Variants in ANO10 observed in about 807,000 individuals in gnomAD.
ANO10 encodes the protein anoctamin 10, also known as anoctamin-10.
A neutral mutation model predicts 74.7 loss-of-function variants in ANO10; 77 were observed. That is an observed-to-expected ratio of 1.03 (90% CI 0.86 to 1.25). The LOEUF is 1.25. Among genes scored for constraint, ANO10 ranks in the 50% most tolerant of loss-of-function variants. The pLI, the probability that ANO10 is intolerant of heterozygous loss-of-function variation, is 0.00. For synonymous variants in ANO10, 279 were observed against 284.9 expected, an observed-to-expected ratio of 0.98 and a Z score of 0.21; for missense variants, 721 against 778.1, an observed-to-expected ratio of 0.93 and a Z score of 0.87.
chr3:43,471,327 C>G (rs952398442), intron 11 of ANO10, among the ~76,000 whole-genome samples: 1 of 152,096 alleles, frequency 6.6e-6, no homozygotes, highest in Non-Finnish European at 1.5e-5. Context: ...TAAAATATCT[C>G]TTATTTAGGA....
At chr3:43,503,813 A>C (rs2077184546) in intron 11 of ANO10, among the ~76,000 whole-genome samples, 1 of 152,154 alleles carries the variant, frequency 6.6e-6, no homozygotes, top group Non-Finnish European at 1.5e-5. Flanking sequence ...ATCACTTCAC[A>C]GTCATTTATC....
At chr3:43,430,330 T>C (rs972048861) in intron 12 of ANO10, among the ~76,000 whole-genome samples, 6 of 151,904 alleles carry the variant, frequency 3.9e-5, no homozygotes, top group African/African-American at 1.2e-4. Flanking sequence ...TTTTTAATGA[T>C]TTTTGGGTTT....
chr3:43,426,580 G>C (rs1271822618), intron 12 of ANO10, among the ~76,000 whole-genome samples: 1 of 152,140 alleles, frequency 6.6e-6, no homozygotes, highest in Non-Finnish European at 1.5e-5. Context: ...TGGGCTCCCA[G>C]GAGGGCTGAC....
At position 43,497,022 on chromosome 3, in the gene ANO10, G is replaced by A. The variant is rs555587857; in HGVS notation, c.1797+52698C>T. 5.7e-4 allele frequency among the ~76,000 whole-genome samples: 87 copies of A among 152,262 alleles called. 1 individual carries two copies. The highest frequency in any genetic ancestry group is 2.1e-3 in the African/African-American group (86 of 41,544). On this transcript the variant is annotated intron_variant, in intron 11 of 12. Transcript: ENST00000292246. ...GAACAACCCTACTTGGCAGTATGGG[G>A]ATAGGGGATGGGACTGGGTTAGCAA...
intron 10 of ANO10, among the ~76,000 whole-genome samples, chr3:43,552,305 A>G (rs1399958030): frequency 1.3e-5 from 2 of 152,182 alleles, no homozygotes; most frequent in Non-Finnish European, 2.9e-5. Context: ...CTGTAATCCT[A>G]GCACTTTGGA....
At position 43,612,885 on chromosome 3, in the gene ANO10, C is replaced by A. The variant is rs1018080008; in HGVS notation, c.-11-7022G>T. ...GAATGTTGGATTAAAATTATACTCC[C>A]GGCTGGGCACGGTGGCTCACGCCTA... On this transcript the variant is annotated intron_variant, in intron 1 of 12. Transcript: ENST00000292246. 2.6e-5 allele frequency among the ~76,000 whole-genome samples: 4 copies of A among 151,994 alleles called. No individual in the cohort carries two copies. The South Asian group carries it at 8.3e-4, about 31-fold the overall frequency.
intron 12 of ANO10, among the ~76,000 whole-genome samples, chr3:43,423,449 C>T (rs1292974501): frequency 1.3e-5 from 2 of 152,150 alleles, no homozygotes; most frequent in Non-Finnish European, 2.9e-5. Context: ...TCACCTGGCC[C>T]TCGGGGACCT....
At chr3:43,573,107 G>A (rs1325102992) in intron 7 of ANO10, among the ~76,000 whole-genome samples, 3 of 151,760 alleles carry the variant, frequency 2.0e-5, no homozygotes, top group Non-Finnish European at 4.4e-5. Context: ...TTACCTCTGA[G>A]GGAAAAAGCT....
chr3:43,617,204 A>G (rs2083156100), intron 1 of ANO10, among the ~76,000 whole-genome samples: 1 of 150,764 alleles, frequency 6.6e-6, no homozygotes, highest in Admixed American at 6.7e-5. Flanking sequence ...AGACAGGGAC[A>G]TGAAGGCTTT....
intron 10 of ANO10, among the ~76,000 whole-genome samples, chr3:43,552,718 A>ATGTATG (rs1361415230): frequency 4.6e-4 from 61 of 133,114 alleles, no homozygotes; most frequent in South Asian, 9.1e-4. Flanking sequence ...ATATATATAT[A>ATGTATG]TATATATATA....
At chr3:43,413,868 A>G (rs1559521461) in intron 12 of ANO10, among the ~76,000 whole-genome samples, 2 of 151,572 alleles carry the variant, frequency 1.3e-5, no homozygotes. Flanking sequence ...AGGCCCCACC[A>G]CAGTCAGCTG....
chr3:43,512,442 T>C (rs2077545168), intron 11 of ANO10, among the ~76,000 whole-genome samples: 2 of 152,164 alleles, frequency 1.3e-5, no homozygotes, highest in African/African-American at 4.8e-5. Flanking sequence ...CGTGGTACTA[T>C]TATTAGGCAT....
intron 1 of ANO10, among the ~76,000 whole-genome samples, chr3:43,656,235 A>G (rs4682899): frequency 0.16 from 24,277 of 151,548 alleles, 3,331 homozygotes; most frequent in African/African-American, 0.37. Context: ...AGCTAGACAC[A>G]GGGTGCTGAT....
chr3:43,653,977 C>T (rs6782070), intron 1 of ANO10, among the ~76,000 whole-genome samples: 20,369 of 151,182 alleles, frequency 0.13, 2,956 homozygotes, highest in African/African-American at 0.36. Flanking sequence ...TTTTCTGGCC[C>T]TTGTCACACC....
At chr3:43,524,880 A>G (rs531433792) in intron 11 of ANO10, among the ~76,000 whole-genome samples, 1 of 152,230 alleles carries the variant, frequency 6.6e-6, no homozygotes, top group South Asian at 2.1e-4. Flanking sequence ...CTTCCAGTAC[A>G]TGCCTCTCCA....
At chr3:43,633,355 G>A (rs993446792) in intron 1 of ANO10, among the ~76,000 whole-genome samples, 18 of 152,088 alleles carry the variant, frequency 1.2e-4, no homozygotes, top group African/African-American at 4.1e-4. Context: ...TATTTCCACT[G>A]TGTTTTTACT....
At chr3:43,415,378 T>C (rs923401278) in intron 12 of ANO10, among the ~76,000 whole-genome samples, 1 of 152,118 alleles carries the variant, frequency 6.6e-6, no homozygotes, top group Non-Finnish European at 1.5e-5. Flanking sequence ...CATGTATACC[T>C]GATTCCAACA....
intron 1 of ANO10, among the ~76,000 whole-genome samples, chr3:43,634,131 C>G (rs905100185): frequency 6.6e-6 from 1 of 152,136 alleles, no homozygotes; most frequent in South Asian, 2.1e-4. Flanking sequence ...ACACAAAAGA[C>G]CCATGCAGAA....
chr3:43,690,866 T>C (rs904280326), intron 1 of ANO10: 70 of 1,059,836 alleles, frequency 6.6e-5, no homozygotes, highest in Non-Finnish European at 8.4e-5. Flanking sequence ...CGCCGGGCCG[T>C]GCTAGTGCGC....
Sources: allele counts gnomAD v4.1 joint callset (sites outside exome capture counted in the v4.1 genomes callset), GRCh38; gene constraint gnomAD v4.1.1; transcripts MANE v1.5; gene names NCBI Gene and HGNC (gene_info 2026-07-23, HGNC 2026-07-21).